COBL: variants seen among roughly 807,000 people sequenced by gnomAD.
COBL encodes protein cordon-bleu.
In COBL, 51 loss-of-function variants were observed where a neutral mutation model predicts 98.8. The observed-to-expected ratio is 0.52, with a 90% confidence interval of 0.41 to 0.65. The LOEUF (loss-of-function observed/expected upper bound fraction) is 0.65, where lower values mean the gene tolerates loss of function less well. COBL is among the 30% of genes least tolerant of loss of function. COBL has a pLI of 0.00. For synonymous variants in COBL, 634 were observed against 651.7 expected (o/e 0.97, Z 0.41); for missense variants, 1,617 against 1,617.5 (o/e 1.00, Z 0.01).
chr7:51,051,710 T>C (rs569313682), intron 7 of COBL, among the ~76,000 whole-genome samples: 20 of 152,196 alleles, frequency 1.3e-4, no homozygotes, highest in Non-Finnish European at 2.4e-4. Context: ...ACAACAGTCA[T>C]GGGTGCGGTG....
chr7:51,172,994 GGCC>G (rs765007612), intron 5 of COBL, among the ~76,000 whole-genome samples: 1 of 151,764 alleles, frequency 6.6e-6, no homozygotes, highest in African/African-American at 2.4e-5. Context: ...TCACCATGTT[GGCC>G]AGGCTGTTCT....
intron 6 of COBL, among the ~76,000 whole-genome samples, chr7:51,128,800 C>G: frequency 6.6e-6 from 1 of 152,240 alleles, no homozygotes; most frequent in East Asian, 1.9e-4. Flanking sequence ...GGGCAGGTGC[C>G]TCCCTGGCCA....
intron 6 of COBL, among the ~76,000 whole-genome samples, chr7:51,118,622 G>C (rs566017542): frequency 1.7e-4 from 26 of 151,778 alleles, no homozygotes; most frequent in Non-Finnish European, 2.5e-4. Flanking sequence ...TGAATCACTG[G>C]GGGGGAGAGG....
intron 1 of COBL, among the ~76,000 whole-genome samples, chr7:51,261,860 A>C (rs1797749440): frequency 6.6e-6 from 1 of 152,168 alleles, no homozygotes; most frequent in Non-Finnish European, 1.5e-5. Flanking sequence ...AAGCAGGAGA[A>C]TCACTTGAAC....
chr7:51,091,427 G>A (rs1794800990), intron 6 of COBL, among the ~76,000 whole-genome samples: 1 of 152,062 alleles, frequency 6.6e-6, no homozygotes. Context: ...GTATTAAGAA[G>A]AAGAAGAAAT....
intron 2 of COBL, among the ~76,000 whole-genome samples, chr7:51,212,344 G>A (rs547895344): frequency 1.3e-5 from 2 of 152,186 alleles, no homozygotes; most frequent in Non-Finnish European, 1.5e-5. Context: ...GCCAATACCC[G>A]TCCTAGTGCA....
At chr7:51,235,253 C>T (rs968390531) in intron 1 of COBL, among the ~76,000 whole-genome samples, 2 of 152,296 alleles carry the variant, frequency 1.3e-5, no homozygotes, top group Non-Finnish European at 2.9e-5. Flanking sequence ...AGTTTTATAT[C>T]GTGGCCCCCA....
At chr7:51,277,811 C>T (rs1006009666) in intron 1 of COBL, among the ~76,000 whole-genome samples, 4 of 152,154 alleles carry the variant, frequency 2.6e-5, no homozygotes, top group African/African-American at 9.7e-5. Flanking sequence ...GGTAAGAACA[C>T]TCAAGAGGCA....
chr7:51,183,500 C>G (rs1789188240), intron 5 of COBL, among the ~76,000 whole-genome samples: 1 of 152,040 alleles, frequency 6.6e-6, no homozygotes, highest in Admixed American at 6.6e-5. Flanking sequence ...GGTACTATGA[C>G]TTAATTACTC....
Position 51,174,998 on chromosome 7 carries a change from C to T in COBL, c.783+9104G>A, listed in dbSNP as rs184549539. On this transcript the variant is annotated intron_variant, in intron 5 of 12. Transcript: ENST00000265136. ...TCTTGGTACCAGCAACATATTGGGT[C>T]CCCAGCTCCAGAGGATCCCGGGGTG... 6.1e-3 allele frequency among the ~76,000 whole-genome samples: 926 copies of T among 152,274 alleles called. 3 individuals carry two copies. The highest frequency in any genetic ancestry group is 0.024 in the Middle Eastern group (7 of 294).
At chr7:51,114,466 T>C (rs761093720) in intron 6 of COBL, among the ~76,000 whole-genome samples, 2 of 152,102 alleles carry the variant, frequency 1.3e-5, no homozygotes, top group Non-Finnish European at 2.9e-5. Context: ...AGAATAAAAC[T>C]TTAAAAAAGG....
intron 1 of COBL, among the ~76,000 whole-genome samples, chr7:51,252,383 C>G (rs548552470): frequency 6.6e-6 from 1 of 152,160 alleles, no homozygotes; most frequent in Admixed American, 6.5e-5. Flanking sequence ...TTTTTTCTTC[C>G]AATCTCCCCA....
chr7:51,241,014 C>T (rs142499907), intron 1 of COBL, among the ~76,000 whole-genome samples: 1 of 152,314 alleles, frequency 6.6e-6, no homozygotes, highest in Non-Finnish European at 1.5e-5. Flanking sequence ...CACTTCCAGG[C>T]AGTGAGTGCT....
In COBL at chr7:51,224,703, TGGAC is replaced by T. The variant is rs550846626; in HGVS notation, c.42-4763_42-4760del. On this transcript the variant is annotated intron_variant, in intron 1 of 12. Coordinates refer to ENST00000265136, the MANE Select transcript of COBL (RefSeq NM_015198.5). ...ATTATTATTTTTTCTTTTTTTGAGA[TGGAC>T]GGCAATGGCGCAATCTTGGCTCACT... Among the ~76,000 whole-genome samples, 483 of 152,312 alleles carry T rather than the reference TGGAC, an allele frequency of 3.2e-3. 2 individuals are homozygous for T. The highest frequency in any genetic ancestry group is 6.8e-3 in the Admixed American group (104 of 15,294).
In COBL at chr7:51,098,224, C is replaced by CTT. The variant is rs551768231; in HGVS notation, c.958-12922_958-12921dup. On this transcript the variant is annotated intron_variant, in intron 6 of 12. Coordinates refer to ENST00000265136, the MANE Select transcript of COBL (RefSeq NM_015198.5). ...ACTACCAAAATCCCAATAGCAGTTT[C>CTT]TTTTTTTTTTTTGGAGAAATAGGAA... 6.3e-4 allele frequency among the ~76,000 whole-genome samples: 64 copies of CTT among 100,844 alleles called. 6 individuals are homozygous for CTT. The East Asian group carries it at 0.011, about 17-fold the overall frequency. 66.2% of individuals were successfully genotyped at this position (100,844 alleles called of 152,430 possible).
intron 1 of COBL, among the ~76,000 whole-genome samples, chr7:51,270,506 G>A (rs905987925): frequency 1.7e-4 from 26 of 152,132 alleles, no homozygotes; most frequent in African/African-American, 6.3e-4. Flanking sequence ...AAAAACATCC[G>A]GCTTCCTTAC....
chr7:51,038,630 T>C (rs1402859105), intron 8 of COBL, among the ~76,000 whole-genome samples: 2 of 152,218 alleles, frequency 1.3e-5, no homozygotes, highest in African/African-American at 4.8e-5. Context: ...GTTTAGTGAA[T>C]ACCCAAGTAA....
chr7:51,188,930 T>A (rs1789815302), intron 4 of COBL, among the ~76,000 whole-genome samples: 1 of 152,346 alleles, frequency 6.6e-6, no homozygotes, highest in African/African-American at 2.4e-5. Context: ...GAAACACTTG[T>A]AAGCCTTTTT....
intron 8 of COBL, among the ~76,000 whole-genome samples, chr7:51,040,812 T>A (rs558568152): frequency 3.9e-5 from 6 of 152,174 alleles, no homozygotes; most frequent in Admixed American, 1.3e-4. Flanking sequence ...AAAGACTCAA[T>A]GATTATTCTG....
Sources: allele counts gnomAD v4.1 joint callset (sites outside exome capture counted in the v4.1 genomes callset), GRCh38; gene constraint gnomAD v4.1.1; transcripts MANE v1.5; gene names NCBI Gene and HGNC (gene_info 2026-07-23, HGNC 2026-07-21).